The following NAPA variants were observed in gnomAD, a reference collection of about 807,000 sequenced individuals.
NAPA encodes the protein NSF attachment protein alpha.
In NAPA, 18 loss-of-function variants were observed where a neutral mutation model predicts 48.0. The ratio of observed to expected loss-of-function variants is 0.38; its 90% CI spans 0.26 to 0.56. The LOEUF (loss-of-function observed/expected upper bound fraction) is 0.56. NAPA is among the 20% of genes least tolerant of loss of function. The pLI is 0.77. For missense variants in NAPA, 315 were observed against 385.0 expected (o/e 0.82, Z 1.52); for synonymous variants, 152 against 149.9 (o/e 1.01, Z -0.10).
intron 3 of NAPA, chr19:47,496,238 G>C (rs1411266975): frequency 6.5e-6 from 1 of 153,788 alleles, no homozygotes; most frequent in African/African-American, 2.4e-5. Context: ...GGAGCCCTCT[G>C]CTCAGTCCCT....
At position 47,514,995 on chromosome 19, in the gene NAPA, G is replaced by A; in HGVS notation, c.-55C>T. 2 of 1,555,686 alleles carry A rather than the reference G, an allele frequency of 1.3e-6. No homozygotes were observed. The highest frequency in any genetic ancestry group is 1.4e-5 in the African/African-American group (1 of 73,250). ...CTGACCCTGACCCTGGGAAGACTCA[G>A]CCGCGGCCGGGCCGCGGAACACAGA... On this transcript the variant is annotated 5_prime_UTR_variant, in exon 1 of 11. Transcript: ENST00000263354.
intron 1 of NAPA, among the ~76,000 whole-genome samples, chr19:47,513,918 C>T (rs1164924554): frequency 4.0e-5 from 2 of 49,438 alleles, no homozygotes; most frequent in African/African-American, 8.7e-5. Flanking sequence ...GGCTCGATCT[C>T]GGCTCACTGC....
intron 7 of NAPA, chr19:47,492,374 TGA>T: frequency 2.0e-6 from 1 of 494,072 alleles, no homozygotes; most frequent in Non-Finnish European, 3.7e-6. Flanking sequence ...GTGGGCCTTC[TGA>T]GAGCCTGAGA....
chr19:47,497,019 G>A (rs1208320544), intron 3 of NAPA: 5 of 319,644 alleles, frequency 1.6e-5, no homozygotes, highest in Non-Finnish European at 3.2e-5. Context: ...TGAGGAGGAA[G>A]GGGAGAGAAC....
chr19:47,509,752 G>A lies in NAPA; in HGVS notation c.98+5091C>T, dbSNP rs138773543. Reference sequence around the variant, plus strand: ...ATGCTCAAAATACATACAGGCCCACGGCCCTTCGAGATGAGCTCAGAGCCA... The same window carrying A: ...ATGCTCAAAATACATACAGGCCCACAGCCCTTCGAGATGAGCTCAGAGCCA... On this transcript the variant is annotated intron_variant, in intron 1 of 10. Coordinates refer to ENST00000263354, the MANE Select transcript of NAPA (RefSeq NM_003827.4). Among the ~76,000 whole-genome samples the A allele has an allele frequency of 5.0e-4, 76 of 152,016 alleles. No individual in the cohort carries two copies. The East Asian group carries it at 0.011, about 23-fold the overall frequency.
At chr19:47,490,965 T>G in intron 8 of NAPA, 109 bp from the exon 9 acceptor site, 1 of 882,256 alleles carries the variant, frequency 1.1e-6, no homozygotes, top group Non-Finnish European at 1.8e-6. Context: ...GAGTCAGCTC[T>G]TGCACCCCTC....
Position 47,514,962 on chromosome 19 carries a change from CA to C in NAPA, c.-23del, listed in dbSNP as rs776275173. The C allele has an allele frequency of 6.2e-7, 1 of 1,611,484 alleles. No homozygotes were observed. Among genetic ancestry groups the C allele is most frequent in the South Asian group, 1.1e-5 (1 of 90,956 alleles). On this transcript the variant is annotated 5_prime_UTR_variant, in exon 1 of 11. Transcript: ENST00000263354. Reference sequence around the variant, plus strand: ...CCATGGCGGCCACAAAGGGACTCAGCAAAGCGCCTGACCCTGACCCTGGGAA... The same window carrying C: ...CCATGGCGGCCACAAAGGGACTCAGCAAGCGCCTGACCCTGACCCTGGGAA...
At chr19:47,503,189 T>C (rs1968618070) in intron 2 of NAPA, among the ~76,000 whole-genome samples, 1 of 152,204 alleles carries the variant, frequency 6.6e-6, no homozygotes, top group Non-Finnish European at 1.5e-5. Context: ...TTTATCTAGG[T>C]CTAATAATCT....
Position 47,493,355 on chromosome 19 carries a change from A to C in NAPA, c.420+61T>G. ...GACACCAGAGGACTCCCCTGGTGGG[A>C]AGAAGAGAGAGCAGCACTGGTCCTG... On this transcript the variant is annotated intron_variant, in intron 5 of 10. Coordinates refer to ENST00000263354, the MANE Select transcript of NAPA (RefSeq NM_003827.4). The surrounding 1 kb of genome is among the most constrained non-coding windows in gnomAD (Gnocchi z 6.4). 6.3e-7 allele frequency: 1 copy of C among 1,584,594 alleles called. No homozygotes were observed. The highest frequency in any genetic ancestry group is 8.7e-7 in the Non-Finnish European group (1 of 1,154,878).
downstream of NAPA, among the ~76,000 whole-genome samples, chr19:47,484,998 C>T (rs1285418168): frequency 6.6e-6 from 1 of 152,158 alleles, no homozygotes; most frequent in Non-Finnish European, 1.5e-5. Flanking sequence ...CCTTGCCCGG[C>T]CTATAGTTCA....
chr19:47,490,938 G>A, intron 8 of NAPA, 82 bp from the exon 9 acceptor site: 1 of 1,270,146 alleles, frequency 7.9e-7, no homozygotes, highest in South Asian at 1.3e-5. Flanking sequence ...GGGGACTTGG[G>A]GATGTCGGGT....
intron 3 of NAPA, chr19:47,495,951 A>G: frequency 3.8e-6 from 1 of 265,120 alleles, no homozygotes; most frequent in Non-Finnish European, 7.5e-6. Context: ...ACGGTGTTTT[A>G]AGACAGACCT....
intron 1 of NAPA, among the ~76,000 whole-genome samples, chr19:47,511,037 C>A (rs1459713609): frequency 6.6e-6 from 1 of 152,218 alleles, no homozygotes; most frequent in African/African-American, 2.4e-5. Context: ...AGCACAGACA[C>A]CCATCGCCTT....
At chr19:47,489,895 C>T (rs1968192570) in intron 9 of NAPA, 134 bp from the exon 10 acceptor site, 10 of 842,356 alleles carry the variant, frequency 1.2e-5, no homozygotes, top group East Asian at 2.7e-5. Flanking sequence ...AGGGTCAATC[C>T]GTGTGGGTTA....
chr19:47,502,543 T>C (rs1003098266), intron 2 of NAPA, among the ~76,000 whole-genome samples: 2 of 152,228 alleles, frequency 1.3e-5, no homozygotes, highest in African/African-American at 2.4e-5. Context: ...TCAATTTTAT[T>C]GTGCACCTCT....
downstream of NAPA, among the ~76,000 whole-genome samples, chr19:47,486,361 A>G (rs183479568): frequency 2.0e-5 from 3 of 152,138 alleles, no homozygotes; most frequent in Non-Finnish European, 1.5e-5. Context: ...TCTCAAAAAA[A>G]AAACAAACCC....
chr19:47,514,041 G>T (rs1968857865), intron 1 of NAPA, among the ~76,000 whole-genome samples: 1 of 151,536 alleles, frequency 6.6e-6, no homozygotes, highest in Non-Finnish European at 1.5e-5. Context: ...TAGAGACGGG[G>T]TTTCACCATG....
At chr19:47,489,785 G>C (rs1278705689) in intron 9 of NAPA, 24 bp from the exon 10 acceptor site, 1 of 1,613,690 alleles carries the variant, frequency 6.2e-7, no homozygotes, top group Non-Finnish European at 8.5e-7. Flanking sequence ...GCAGAGAGGG[G>C]TCAGGGGCCT....
intron 1 of NAPA, among the ~76,000 whole-genome samples, chr19:47,508,360 C>T (rs994476695): frequency 2.6e-5 from 4 of 152,236 alleles, no homozygotes; most frequent in African/African-American, 9.6e-5. Flanking sequence ...CGGGAAACCA[C>T]CAGCTGCCTC....
Sources: allele counts gnomAD v4.1 joint callset (sites outside exome capture counted in the v4.1 genomes callset), GRCh38; gene constraint gnomAD v4.1.1; non-coding constraint Gnocchi (gnomAD v3.1); transcripts MANE v1.5; gene names NCBI Gene and HGNC (gene_info 2026-07-23, HGNC 2026-07-21).